The following FHIT variants were observed in gnomAD, a reference collection of about 807,000 sequenced individuals.
FHIT encodes fragile histidine triad diadenosine triphosphatase, also known as bis(5'-adenosyl)-triphosphatase.
In FHIT, 19 loss-of-function variants were observed where a neutral mutation model predicts 17.9. The ratio of observed to expected loss-of-function variants is 1.06; its 90% CI spans 0.74 to 1.56. The LOEUF (loss-of-function observed/expected upper bound fraction) is 1.56, where lower values mean the gene tolerates loss of function less well. FHIT is among the 40% of genes most tolerant of loss of function. The pLI, the probability that FHIT is intolerant of heterozygous loss-of-function variation, is 0.00. For missense variants in FHIT, 248 were observed against 189.2 expected, an observed-to-expected ratio of 1.31 and a Z score of -1.82; for synonymous variants, 81 against 69.7, an observed-to-expected ratio of 1.16 and a Z score of -0.81.
intron 4 of FHIT, among the ~76,000 whole-genome samples, chr3:60,779,042 G>A (rs906638283): frequency 6.6e-6 from 1 of 152,152 alleles, no homozygotes; most frequent in Non-Finnish European, 1.5e-5. Flanking sequence ...AGCTTTAAAA[G>A]GTCTTATCTG....
Position 60,411,377 on chromosome 3 carries a change from G to A in FHIT, c.103+125483C>T, listed in dbSNP as rs1702054298. Among the ~76,000 whole-genome samples, 5 of 152,178 alleles carry A rather than the reference G, an allele frequency of 3.3e-5. 1 individual carries two copies. The South Asian group carries it at 1.0e-3, about 32-fold the overall frequency. On this transcript the variant is annotated intron_variant, in intron 5 of 9. Transcript: ENST00000492590. ...TATTTTTTATAACCTCCTCTTACTT[G>A]AGTAGAAAAATAATCCACTTAATGT...
Position 60,788,068 on chromosome 3 carries a change from T to G in FHIT, c.-18+33851A>C, listed in dbSNP as rs113018316. On this transcript the variant is annotated intron_variant, in intron 4 of 9. Transcript: ENST00000492590. ...CTTCAGTGTTAATGAATTAGCTATATGTTAAATAAGGCATCTTTAAATAAA... is the reference window on the plus strand; with the variant it reads ...CTTCAGTGTTAATGAATTAGCTATAGGTTAAATAAGGCATCTTTAAATAAA... Among the ~76,000 whole-genome samples the G allele has an allele frequency of 3.9e-3, 598 of 152,348 alleles. 5 individuals carry two copies. The highest frequency in any genetic ancestry group is 6.3e-3 in the Non-Finnish European group (430 of 68,028).
At position 60,523,682 on chromosome 3, in the gene FHIT, C is replaced by G. The variant is rs779684223; in HGVS notation, c.103+13178G>C. On this transcript the variant is annotated intron_variant, in intron 5 of 9. Transcript: ENST00000492590. ...TGGGAAATCAAATCTCATGAGCCGA[C>G]GAGTTATCAAACCCTTCTGTTAGAT... 3.3e-5 allele frequency among the ~76,000 whole-genome samples: 5 copies of G among 152,108 alleles called. No individual in the cohort carries two copies. The South Asian group carries it at 6.2e-4, about 19-fold the overall frequency.
Position 59,845,015 on chromosome 3 carries a change from AG to A in FHIT, c.348+77330del, listed in dbSNP as rs376781929. ...TTCAGTGTTCATGACTTAGTCTCAT[AG>A]GTTTTGTGTTTCTAGGAATTTGTCC... On this transcript the variant is annotated intron_variant, in intron 8 of 9. Coordinates refer to ENST00000492590, the MANE Select transcript of FHIT (RefSeq NM_002012.4). Among the ~76,000 whole-genome samples, 142 of 152,222 alleles carry A rather than the reference AG, an allele frequency of 9.3e-4. 1 individual carries two copies. The highest frequency in any genetic ancestry group is 3.2e-3 in the African/African-American group (134 of 41,554).
At chr3:60,864,799 G>A (rs1458445796) in intron 3 of FHIT, among the ~76,000 whole-genome samples, 1 of 152,046 alleles carries the variant, frequency 6.6e-6, no homozygotes, top group African/African-American at 2.4e-5. Context: ...GGAACGCAGT[G>A]TATAGCCCAC....
intron 5 of FHIT, among the ~76,000 whole-genome samples, chr3:60,516,922 T>G (rs2035181773): frequency 6.6e-6 from 1 of 152,158 alleles, no homozygotes. Context: ...GATACAAACT[T>G]CGACTTCATG....
chr3:60,062,014 G>A (rs1031875551), intron 5 of FHIT, among the ~76,000 whole-genome samples: 1 of 152,204 alleles, frequency 6.6e-6, no homozygotes, highest in Non-Finnish European at 1.5e-5. Flanking sequence ...TCAGAGTACA[G>A]AGACCTGACT....
chr3:59,773,122 C>T (rs1702148415), intron 8 of FHIT, among the ~76,000 whole-genome samples: 1 of 152,144 alleles, frequency 6.6e-6, no homozygotes, highest in Non-Finnish European at 1.5e-5. Context: ...TCAGTTGTAT[C>T]TTGAGTGGAA....
At chr3:59,759,009 G>GA (rs1701365574) in intron 8 of FHIT, among the ~76,000 whole-genome samples, 2 of 152,094 alleles carry the variant, frequency 1.3e-5, no homozygotes, top group South Asian at 4.1e-4. Flanking sequence ...TGGTATGGGG[G>GA]ATGGTAGAAC....
chr3:60,128,953 C>G (rs759522209), intron 5 of FHIT, among the ~76,000 whole-genome samples: 2 of 151,862 alleles, frequency 1.3e-5, no homozygotes, highest in Non-Finnish European at 2.9e-5. Context: ...TTTTTAACAA[C>G]GTAATTCTAT....
intron 3 of FHIT, among the ~76,000 whole-genome samples, chr3:60,976,626 T>C (rs1447208157): frequency 6.6e-6 from 1 of 152,240 alleles, no homozygotes. Flanking sequence ...ACTGTTTCTG[T>C]GAAGAACATG....
At chr3:59,946,424 G>C (rs1332239651) in intron 7 of FHIT, among the ~76,000 whole-genome samples, 1 of 152,200 alleles carries the variant, frequency 6.6e-6, no homozygotes, top group East Asian at 1.9e-4. Flanking sequence ...CTTTTGGACA[G>C]AGACTACAGG....
intron 7 of FHIT, among the ~76,000 whole-genome samples, chr3:59,951,408 G>A (rs6446099): frequency 6.6e-6 from 1 of 152,198 alleles, no homozygotes; most frequent in African/African-American, 2.4e-5. Flanking sequence ...CGGCCACTAC[G>A]CCCAAGAAAA....
chr3:60,259,761 C>T (rs1706199013), intron 5 of FHIT, among the ~76,000 whole-genome samples: 2 of 151,966 alleles, frequency 1.3e-5, no homozygotes, highest in Non-Finnish European at 2.9e-5. Context: ...CAATAATGCA[C>T]CCCAAGTGCT....
intron 4 of FHIT, among the ~76,000 whole-genome samples, chr3:60,551,172 G>A (rs900472507): frequency 6.6e-6 from 1 of 151,954 alleles, no homozygotes; most frequent in East Asian, 2.0e-4. Flanking sequence ...CAGCAAGGCA[G>A]AGGTGAGGAG....
At chr3:60,088,180 G>T (rs145412161) in intron 5 of FHIT, among the ~76,000 whole-genome samples, 1 of 152,066 alleles carries the variant, frequency 6.6e-6, no homozygotes, top group Non-Finnish European at 1.5e-5. Context: ...TTAACAGATG[G>T]AGAACTCATC....
intron 7 of FHIT, among the ~76,000 whole-genome samples, chr3:59,957,653 C>A (rs980754218): frequency 1.1e-4 from 16 of 152,172 alleles, no homozygotes; most frequent in Admixed American, 9.8e-4. Flanking sequence ...TTGACCAAGT[C>A]ACTGAGAAAA....
At chr3:60,530,675 G>A (rs147872658) in intron 5 of FHIT, among the ~76,000 whole-genome samples, 7 of 152,300 alleles carry the variant, frequency 4.6e-5, no homozygotes, top group Admixed American at 3.9e-4. Flanking sequence ...TGGTATGTGA[G>A]ATAAAATGAA....
chr3:59,951,586 G>C (rs572194525), intron 7 of FHIT, among the ~76,000 whole-genome samples: 22 of 152,222 alleles, frequency 1.4e-4, no homozygotes, highest in African/African-American at 5.3e-4. Context: ...GGGACCCTCA[G>C]TCCTGGTAAG....
Sources: allele counts gnomAD v4.1 joint callset (sites outside exome capture counted in the v4.1 genomes callset), GRCh38; gene constraint gnomAD v4.1.1; transcripts MANE v1.5; gene names NCBI Gene and HGNC (gene_info 2026-07-23, HGNC 2026-07-21).